FNDC3B: variants seen among roughly 807,000 people sequenced by gnomAD.
The protein encoded by FNDC3B is fibronectin type III domain containing 3B.
Under a neutral mutation model 151.5 loss-of-function variants are expected in FNDC3B, and 12 were observed. The observed-to-expected ratio is 0.08, with a 90% CI of 0.05 to 0.13. The LOEUF (loss-of-function observed/expected upper bound fraction) is 0.13. Ranked by LOEUF, FNDC3B falls within the 10% of genes least tolerant of loss-of-function variation. FNDC3B has a pLI of 1.00. For missense variants in FNDC3B, 1,214 were observed against 1,505.3 expected, an observed-to-expected ratio of 0.81 and a Z score of 3.20; for synonymous variants, 528 against 549.0, an observed-to-expected ratio of 0.96 and a Z score of 0.54.
intron 14 of FNDC3B, among the ~76,000 whole-genome samples, chr3:172,333,680 A>C (rs1732805202): frequency 6.6e-6 from 1 of 151,850 alleles, no homozygotes; most frequent in South Asian, 2.1e-4. Flanking sequence ...TGAGCACAAA[A>C]ATTGTCATCA....
intron 10 of FNDC3B, 141 bp downstream of exon 10, chr3:172,307,642 C>T: frequency 1.4e-6 from 1 of 735,890 alleles, no homozygotes; most frequent in Non-Finnish European, 2.3e-6. Context: ...TGCAGTGAGC[C>T]ATGATCACGC....
At chr3:172,059,359 T>C (rs1717073081) in intron 1 of FNDC3B, among the ~76,000 whole-genome samples, 1 of 152,174 alleles carries the variant, frequency 6.6e-6, no homozygotes, top group Admixed American at 6.5e-5. Flanking sequence ...TGGATAAGTC[T>C]CAGATTAGTT....
chr3:172,225,570 T>A (rs1726522811), intron 3 of FNDC3B: 1 of 162,186 alleles, frequency 6.2e-6, no homozygotes, highest in Non-Finnish European at 1.4e-5. Context: ...ATTTTGCTGT[T>A]GTCATCCACC....
intron 22 of FNDC3B, 151 bp downstream of exon 22, chr3:172,353,234 G>A (rs1272273104): frequency 6.3e-6 from 5 of 790,888 alleles, no homozygotes; most frequent in Non-Finnish European, 9.8e-6. Flanking sequence ...GATCCCTCAG[G>A]CCAGAAGACC....
rs757470424 is a variant in FNDC3B at position 172,397,499 on chromosome 3, A to G, written c.*24A>G. 6.9e-7 allele frequency: 1 copy of G among 1,441,546 alleles called. No homozygotes were observed. Among genetic ancestry groups the G allele is most frequent in the East Asian group, 2.3e-5 (1 of 43,988 alleles). The allele number at this position is 1,441,546 out of a possible 1,614,324, so 89.3% of individuals were successfully genotyped here. On this transcript the variant is annotated 3_prime_UTR_variant, in exon 26 of 26. Transcript: ENST00000415807. ...AAACCCAACAAAACTAGAGGTATGA[A>G]TTAATGCTACACATTTTAATACACA...
intron 6 of FNDC3B, among the ~76,000 whole-genome samples, chr3:172,253,867 C>G (rs1381984823): frequency 6.6e-6 from 1 of 151,854 alleles, no homozygotes; most frequent in Non-Finnish European, 1.5e-5. Context: ...GCAACCTCCG[C>G]CTCCCAGGTT....
chr3:172,300,786 G>A (rs549395351), intron 9 of FNDC3B, among the ~76,000 whole-genome samples: 1 of 152,094 alleles, frequency 6.6e-6, no homozygotes, highest in African/African-American at 2.4e-5. Context: ...CTCTCTCCTT[G>A]GGGATGGTCA....
At chr3:172,101,887 G>A (rs1294430031) in intron 1 of FNDC3B, among the ~76,000 whole-genome samples, 1 of 152,124 alleles carries the variant, frequency 6.6e-6, no homozygotes, top group African/African-American at 2.4e-5. Context: ...TTTAAAATGT[G>A]CTCTAAAAAT....
intron 7 of FNDC3B, among the ~76,000 whole-genome samples, chr3:172,290,135 A>G (rs1442500165): frequency 6.6e-6 from 1 of 152,192 alleles, no homozygotes; most frequent in Non-Finnish European, 1.5e-5. Flanking sequence ...CCTTTCAGCC[A>G]CAACTGGTAG....
chr3:172,124,046 G>T (rs959639673), intron 2 of FNDC3B, among the ~76,000 whole-genome samples: 8 of 152,048 alleles, frequency 5.3e-5, no homozygotes, highest in African/African-American at 1.9e-4. Context: ...GTTTACTCGG[G>T]ATGAGAGTGC....
intron 4 of FNDC3B, among the ~76,000 whole-genome samples, chr3:172,241,826 C>T (rs1298161013): frequency 6.6e-6 from 1 of 152,190 alleles, no homozygotes; most frequent in Admixed American, 6.5e-5. Context: ...TTCCTACAGT[C>T]CCTCAAAATC....
At chr3:172,194,294 C>A (rs1001875378) in intron 3 of FNDC3B, among the ~76,000 whole-genome samples, 3 of 152,200 alleles carry the variant, frequency 2.0e-5, no homozygotes, top group Non-Finnish European at 2.9e-5. Flanking sequence ...ATTCAACCAG[C>A]AGCCCTTATG....
chr3:172,152,920 G>A (rs1291620848), intron 3 of FNDC3B, among the ~76,000 whole-genome samples: 2 of 152,146 alleles, frequency 1.3e-5, no homozygotes, highest in African/African-American at 4.8e-5. Context: ...GCTGCTTGTC[G>A]TGAATCCATC....
At chr3:172,207,077 T>G (rs1340744973) in intron 3 of FNDC3B, among the ~76,000 whole-genome samples, 2 of 135,126 alleles carry the variant, frequency 1.5e-5, no homozygotes, top group Non-Finnish European at 3.4e-5. Context: ...AAGAGGCAAT[T>G]TCACACCCAG....
chr3:172,051,481 C>G (rs1716651729), intron 1 of FNDC3B, among the ~76,000 whole-genome samples: 2 of 152,020 alleles, frequency 1.3e-5, no homozygotes, highest in African/African-American at 4.8e-5. Flanking sequence ...AGCTGGATCC[C>G]TAGTTTGAAT....
At chr3:172,312,785 C>T (rs1731584072) in intron 11 of FNDC3B, among the ~76,000 whole-genome samples, 1 of 152,096 alleles carries the variant, frequency 6.6e-6, no homozygotes, top group Non-Finnish European at 1.5e-5. Flanking sequence ...AAAGAAAACT[C>T]GGGTGCTGCA....
rs1227062200 is a variant in FNDC3B at position 172,362,820 on chromosome 3, C to A, written c.2983C>A (p.Leu995Ile). Residue 995 changes from leucine (L) to isoleucine (I), a missense_variant, in exon 23 of 26, where the codon CTA becomes ATA. By Grantham distance (5) the Leu-to-Ile change is conservative. Around this residue, in one of 7 missense-constraint regions of FNDC3B, gnomAD observed 284 missense variants for 392.4 expected, o/e 0.72. Transcript: ENST00000415807. Reference protein sequence around the residue: ...THAAEDIVYTLQLEDRNKRFI... With the variant: ...THAAEDIVYTIQLEDRNKRFI... ...TGCTGCTGAGGACATTGTGTACACA[C>A]TACAGCTGGAGGACAGAAACAAGAG... 1 of 1,613,820 alleles carries A rather than the reference C, an allele frequency of 6.2e-7. No individual in the cohort carries two copies. The highest frequency in any genetic ancestry group is 8.5e-7 in the Non-Finnish European group (1 of 1,179,880).
At chr3:172,193,884 G>C (rs1724688435) in intron 3 of FNDC3B, among the ~76,000 whole-genome samples, 1 of 152,170 alleles carries the variant, frequency 6.6e-6, no homozygotes, top group Non-Finnish European at 1.5e-5. Flanking sequence ...GTAAGTTTTT[G>C]GATAAATAAG....
intron 22 of FNDC3B, among the ~76,000 whole-genome samples, chr3:172,358,821 CTG>C (rs1734219553): frequency 6.6e-6 from 1 of 152,208 alleles, no homozygotes; most frequent in African/African-American, 2.4e-5. Flanking sequence ...AAAAAAGTCA[CTG>C]TCCCCAATTT....
Sources: gnomAD v4.1 joint callset for allele counts (sites outside exome capture counted in the v4.1 genomes callset) on GRCh38, gnomAD v4.1.1 for gene constraint, gnomAD v4.1.1 regional missense constraint, MANE v1.5 for transcripts, NCBI Gene and HGNC (gene_info 2026-07-23, HGNC 2026-07-21) for gene names.